Variants in TMEM117 observed in about 807,000 individuals in gnomAD.
TMEM117 encodes the protein transmembrane protein 117.
TMEM117 carries 27 observed loss-of-function variants against 52.4 expected under a neutral mutation model. The ratio of observed to expected loss-of-function variants is 0.51; its 90% CI spans 0.38 to 0.71. TMEM117 has a LOEUF of 0.71. TMEM117 is among the 30% of genes least tolerant of loss of function. TMEM117 has a pLI of 0.00. For synonymous variants in TMEM117, 215 were observed against 206.3 expected (o/e 1.04, Z -0.36); for missense variants, 556 against 630.5 (o/e 0.88, Z 1.26).
intron 3 of TMEM117, among the ~76,000 whole-genome samples, chr12:43,948,009 C>T (rs1945161016): frequency 6.6e-6 from 1 of 152,136 alleles, no homozygotes; most frequent in African/African-American, 2.4e-5. Flanking sequence ...CTAGGTTTAT[C>T]TAGACCGGAA....
At chr12:44,157,891 G>A (rs1002621347) in intron 4 of TMEM117, among the ~76,000 whole-genome samples, 3 of 152,098 alleles carry the variant, frequency 2.0e-5, no homozygotes, top group African/African-American at 7.2e-5. Flanking sequence ...TAGACAATTT[G>A]AGTTTTGCCA....
At chr12:43,829,812 G>A in the TMEM117 span, among the ~76,000 whole-genome samples, 3 of 152,166 alleles carry the variant, frequency 2.0e-5, no homozygotes, top group African/African-American at 4.8e-5. Flanking sequence ...ACTGTAGGCC[G>A]GGAGCAGTGG....
chr12:44,045,863 A>G (rs1454101713), intron 3 of TMEM117, among the ~76,000 whole-genome samples: 1 of 152,080 alleles, frequency 6.6e-6, no homozygotes, highest in East Asian at 1.9e-4. Context: ...AACTCATGCT[A>G]ATAGAATTCA....
chr12:44,290,290 CA>C (rs753066837), intron 5 of TMEM117, among the ~76,000 whole-genome samples: 4 of 152,134 alleles, frequency 2.6e-5, no homozygotes, highest in Non-Finnish European at 4.4e-5. Context: ...TACAAAAAAT[CA>C]TTGCCAATAC....
At chr12:43,796,896 A>C in the TMEM117 span, 1 of 1,380,724 alleles carries the variant, frequency 7.2e-7, no homozygotes, top group Non-Finnish European at 1.0e-6. Flanking sequence ...TTCATTTATA[A>C]ATCACAGTAC....
chr12:44,196,358 A>G (rs112457860), intron 4 of TMEM117, among the ~76,000 whole-genome samples: 3 of 152,314 alleles, frequency 2.0e-5, no homozygotes, highest in African/African-American at 7.2e-5. Flanking sequence ...ACTAACAAAT[A>G]TAAGATTAAT....
chr12:44,352,445 C>T (rs1951577363), intron 6 of TMEM117, among the ~76,000 whole-genome samples: 1 of 152,056 alleles, frequency 6.6e-6, no homozygotes, highest in African/African-American at 2.4e-5. Flanking sequence ...TCCCTCCCCA[C>T]TTTCCCCACC....
chr12:43,920,369 C>T (rs541280370), intron 2 of TMEM117, among the ~76,000 whole-genome samples: 193 of 151,984 alleles, frequency 1.3e-3, no homozygotes, highest in African/African-American at 4.2e-3. Context: ...AAAAATTAGC[C>T]GGGCGTGGTG....
intron 2 of TMEM117, among the ~76,000 whole-genome samples, chr12:43,936,182 A>G (rs1944949724): frequency 1.3e-5 from 2 of 151,842 alleles, no homozygotes; most frequent in Admixed American, 1.3e-4. Flanking sequence ...TTGAAGTAAG[A>G]CAGGCCAGTT....
chr12:43,958,985 T>A (rs953113799), intron 3 of TMEM117, among the ~76,000 whole-genome samples: 1 of 152,050 alleles, frequency 6.6e-6, no homozygotes, highest in East Asian at 1.9e-4. Context: ...TTTTTTGTAT[T>A]TTTAATAGAG....
intron 4 of TMEM117, among the ~76,000 whole-genome samples, chr12:44,183,998 G>A (rs868272017): frequency 2.2e-4 from 34 of 152,088 alleles, no homozygotes; most frequent in Admixed American, 1.8e-3. Flanking sequence ...TCTAGATACT[G>A]CTGGGAAGGG....
chr12:44,130,900 A>G (rs186532628), intron 3 of TMEM117, among the ~76,000 whole-genome samples: 131 of 152,086 alleles, frequency 8.6e-4, no homozygotes, highest in African/African-American at 2.9e-3. Context: ...GATTTCTGAC[A>G]TTGTGCTTTT....
At chr12:44,236,739 T>A (rs1467505127) in intron 5 of TMEM117, among the ~76,000 whole-genome samples, 1 of 152,132 alleles carries the variant, frequency 6.6e-6, no homozygotes, top group Non-Finnish European at 1.5e-5. Context: ...GGATAGCTTC[T>A]TTTTCAGAGT....
At chr12:43,982,009 G>A (rs962040765) in intron 3 of TMEM117, among the ~76,000 whole-genome samples, 1 of 152,110 alleles carries the variant, frequency 6.6e-6, no homozygotes, top group African/African-American at 2.4e-5. Context: ...GAGAGCCTTT[G>A]AATGTTCTCA....
chr12:43,915,515 G>T (rs1944586494), intron 2 of TMEM117, among the ~76,000 whole-genome samples: 2 of 152,104 alleles, frequency 1.3e-5, no homozygotes, highest in African/African-American at 4.8e-5. Flanking sequence ...TATACAAACT[G>T]ATCTTCATCC....
intron 3 of TMEM117, among the ~76,000 whole-genome samples, chr12:44,006,256 T>C (rs1345029505): frequency 6.6e-6 from 1 of 152,254 alleles, no homozygotes; most frequent in Admixed American, 6.5e-5. Context: ...TCATTTTGTA[T>C]GTCTGTGTAG....
At chr12:43,841,750 G>A (rs1319398152) in intron 1 of TMEM117, among the ~76,000 whole-genome samples, 1 of 152,212 alleles carries the variant, frequency 6.6e-6, no homozygotes, top group East Asian at 1.9e-4. Context: ...CAGAGGCTCA[G>A]ATCACAGCTC....
At chr12:44,231,850 A>G (rs941541008) in intron 5 of TMEM117, among the ~76,000 whole-genome samples, 3 of 151,714 alleles carry the variant, frequency 2.0e-5, no homozygotes, top group Non-Finnish European at 4.4e-5. Context: ...TGTCAGTTGT[A>G]TATGGTGCTC....
intron 5 of TMEM117, chr12:44,248,786 G>T: frequency 5.8e-6 from 1 of 173,082 alleles, no homozygotes; most frequent in South Asian, 1.6e-4. Flanking sequence ...GGATCTTGAT[G>T]ACTGCCATAT....
Sources: allele counts gnomAD v4.1 joint callset (sites outside exome capture counted in the v4.1 genomes callset), GRCh38; gene constraint gnomAD v4.1.1; transcripts MANE v1.5; gene names NCBI Gene and HGNC (gene_info 2026-07-23, HGNC 2026-07-21).